ARIH2: variants seen among roughly 807,000 people sequenced by gnomAD.
ARIH2 encodes the protein ariadne RBR E3 ubiquitin protein ligase 2.
Under a neutral mutation model 79.8 loss-of-function variants are expected in ARIH2, and 12 were observed. The observed-to-expected ratio is 0.15, with a 90% confidence interval of 0.10 to 0.24. ARIH2 has a LOEUF of 0.24. Ranked by LOEUF, ARIH2 falls within the 10% of genes least tolerant of loss-of-function variation. The pLI is 1.00. For synonymous variants in ARIH2, 224 were observed against 213.9 expected, an observed-to-expected ratio of 1.05 and a Z score of -0.41; for missense variants, 301 against 618.3, an observed-to-expected ratio of 0.49 and a Z score of 5.44.
intron 9 of ARIH2, 70 bp downstream of exon 9, chr3:48,973,886 T>A: frequency 8.1e-7 from 1 of 1,228,044 alleles, no homozygotes; most frequent in Non-Finnish European, 1.2e-6. Context: ...CCTTGGAGAT[T>A]TGCCATCTGA....
rs571217916 is a variant in ARIH2 at position 48,965,102 on chromosome 3, C to T, written c.387+120C>T. 11 of 837,950 alleles carry T rather than the reference C, an allele frequency of 1.3e-5. No individual in the cohort carries two copies. The East Asian group carries it at 1.6e-4, about 12-fold the overall frequency. 51.9% of individuals were successfully genotyped at this position (837,950 alleles called of 1,614,324 possible). ...GTGCGGTGTGGCTCACGCCTGTAAT[C>T]CCAGCACTTTGGGAGGCTGAGGCGG... On this transcript the variant is annotated intron_variant, in intron 5 of 15. Coordinates refer to ENST00000356401, the MANE Select transcript of ARIH2 (RefSeq NM_006321.4).
intron 3 of ARIH2, among the ~76,000 whole-genome samples, chr3:48,942,011 G>T (rs188249023): frequency 1.1e-3 from 167 of 150,470 alleles, no homozygotes; most frequent in Admixed American, 3.6e-3. Context: ...TCAGCCTCCC[G>T]AGTAGCTGGG....
rs548078851 is a variant in ARIH2, at chr3:48,959,303, G to A, written c.256-2309G>A. On this transcript the variant is annotated intron_variant, in intron 3 of 15. Transcript: ENST00000356401. Reference sequence around the variant, plus strand: ...TGCACTCCAGCCTGGGTAATACAGCGAGACTCCATCTCAAAAAAAAAAAAA... The same window carrying A: ...TGCACTCCAGCCTGGGTAATACAGCAAGACTCCATCTCAAAAAAAAAAAAA... 1.6e-4 allele frequency among the ~76,000 whole-genome samples: 23 copies of A among 143,818 alleles called. 1 individual carries two copies. The highest frequency in any genetic ancestry group is 6.6e-4 in the South Asian group (3 of 4,572). 94.4% of individuals were successfully genotyped at this position (143,818 alleles called of 152,430 possible).
At chr3:48,951,313 GT>G (rs888750883) in intron 3 of ARIH2, among the ~76,000 whole-genome samples, 23 of 151,746 alleles carry the variant, frequency 1.5e-4, no homozygotes, top group Non-Finnish European at 2.5e-4. Context: ...ATTTATTAGT[GT>G]TTTTTTTCCC....
intron 3 of ARIH2, among the ~76,000 whole-genome samples, chr3:48,946,602 A>G (rs2107318473): frequency 6.6e-6 from 1 of 152,224 alleles, no homozygotes; most frequent in Non-Finnish European, 1.5e-5. Flanking sequence ...GAGAGTATTG[A>G]CATTGTAAAT....
intron 3 of ARIH2, among the ~76,000 whole-genome samples, chr3:48,958,054 C>T (rs7628719): frequency 0.63 from 95,552 of 151,948 alleles, 31,200 homozygotes; most frequent in East Asian, 0.96. Context: ...GGTAAACTGA[C>T]GTAGGTTGGA....
chr3:48,962,008 C>G lies in ARIH2; in HGVS notation c.323+329C>G, dbSNP rs377396524. Among the ~76,000 whole-genome samples the G allele has an allele frequency of 3.9e-5, 6 of 152,254 alleles. No individual in the cohort carries two copies. In the East Asian group the frequency reaches 1.2e-3, roughly 29 times the overall value. The stretch of plus-strand genomic sequence containing the variant: ...TCAGTGCCTTTCTAGGTAACACGCG[C>G]CAACATCTTTTACTTCTTTTGGATA... On this transcript the variant is annotated intron_variant, in intron 4 of 15. Coordinates refer to ENST00000356401, the MANE Select transcript of ARIH2 (RefSeq NM_006321.4).
At position 48,948,581 on chromosome 3, in the gene ARIH2, GC is replaced by G. The variant is rs562250058; in HGVS notation, c.256-13028del. Among the ~76,000 whole-genome samples, 432 of 152,256 alleles carry G rather than the reference GC, an allele frequency of 2.8e-3. 4 individuals are homozygous for G. The highest frequency in any genetic ancestry group is 9.9e-3 in the African/African-American group (410 of 41,538). On this transcript the variant is annotated intron_variant, in intron 3 of 15. Transcript: ENST00000356401. Reference sequence around the variant, plus strand: ...TGGGATTACAGATGTGAGCCACCGCGCCCGGCCGAACTCATCCATTTTAAAG... The same window carrying G: ...TGGGATTACAGATGTGAGCCACCGCGCCGGCCGAACTCATCCATTTTAAAG...
intron 4 of ARIH2, among the ~76,000 whole-genome samples, chr3:48,962,867 T>A (rs948740582): frequency 6.6e-6 from 1 of 152,144 alleles, no homozygotes; most frequent in Non-Finnish European, 1.5e-5. Flanking sequence ...TGGTATGTTT[T>A]TTTTTATTTT....
intron 3 of ARIH2, among the ~76,000 whole-genome samples, chr3:48,952,897 A>G (rs1007161466): frequency 4.6e-5 from 7 of 152,188 alleles, no homozygotes; most frequent in Admixed American, 2.0e-4. Flanking sequence ...GTATATGTGC[A>G]TAAAGAAAGA....
intron 3 of ARIH2, among the ~76,000 whole-genome samples, chr3:48,955,694 G>T (rs2090494664): frequency 6.6e-6 from 1 of 152,176 alleles, no homozygotes; most frequent in Non-Finnish European, 1.5e-5. Context: ...TACTCAGACA[G>T]ATTTTTACCT....
At chr3:48,965,242 C>G (rs2091668619) in intron 5 of ARIH2, among the ~76,000 whole-genome samples, 2 of 151,878 alleles carry the variant, frequency 1.3e-5, no homozygotes, top group African/African-American at 4.8e-5. Context: ...CACCTGTAGT[C>G]CCAGCTACTC....
At position 48,919,216 on chromosome 3, in the gene ARIH2, T is replaced by G. The variant is rs2084376040; in HGVS notation, c.-162+218T>G. The G allele has an allele frequency of 3.2e-6, 4 of 1,268,400 alleles. No homozygotes were observed. In the East Asian group the frequency reaches 9.3e-5, roughly 29 times the overall value. The allele number at this position is 1,268,400 out of a possible 1,614,324, so 78.6% of individuals were successfully genotyped here. On this transcript the variant is annotated intron_variant, in intron 1 of 15. Transcript: ENST00000356401. ...TTTTTCCTCCCGCCGCCTTCTCAGC[T>G]CTCGGAAAGGTCAGAGGCCACCGCC...
chr3:48,975,722 G>A (rs1384391726), intron 11 of ARIH2, among the ~76,000 whole-genome samples: 5 of 149,770 alleles, frequency 3.3e-5, no homozygotes, highest in Non-Finnish European at 7.4e-5. Context: ...CTTCCACCAC[G>A]TCTGGCTAAT....
Position 48,983,780 on chromosome 3 carries a change from GT to G in ARIH2, c.*513del, listed in dbSNP as rs2092829968. ...CTGGGCCTCTGCTTTCCATATTCACGTTTGGCCAGAGTTGTAGTCCCAAAGA... is the reference window on the plus strand; with the variant it reads ...CTGGGCCTCTGCTTTCCATATTCACGTTGGCCAGAGTTGTAGTCCCAAAGA... On this transcript the variant is annotated 3_prime_UTR_variant, in exon 16 of 16. Transcript: ENST00000356401. 1.2e-5 allele frequency: 2 copies of G among 160,258 alleles called. No individual in the cohort carries two copies. The highest frequency in any genetic ancestry group is 1.2e-4 in the Admixed American group (2 of 16,200). The allele number at this position is 160,258 out of a possible 1,614,324, so 9.9% of individuals were successfully genotyped here. A position where few individuals can be genotyped will look rare whatever the true frequency, so the allele number is the denominator to read the frequency against.
At chr3:48,958,434 G>A (rs371012936) in intron 3 of ARIH2, among the ~76,000 whole-genome samples, 2 of 152,092 alleles carry the variant, frequency 1.3e-5, no homozygotes, top group African/African-American at 2.4e-5. Context: ...TAGATAGGCC[G>A]GGCACGGTGG....
rs367899872 is a variant in ARIH2, at chr3:48,927,630, G to GGAA, written c.87_89dup (p.Glu29dup). ...ACTATGACCCAAATTGTGAGGAAGA[G>GGAA]GAAGAAGAAGAAGAAGACGACCCTG... On this transcript the variant is annotated inframe_insertion, in exon 3 of 16. Transcript: ENST00000356401. 13 of 1,612,358 alleles carry GGAA rather than the reference G, an allele frequency of 8.1e-6. No individual in the cohort carries two copies. The East Asian group carries it at 2.5e-4, about 30-fold the overall frequency.
chr3:48,927,878 A>G, intron 3 of ARIH2, 65 bp downstream of exon 3: 1 of 1,571,228 alleles, frequency 6.4e-7, no homozygotes. Flanking sequence ...GCTGTTGTTA[A>G]TTAATGTCTC....
At chr3:48,968,482 T>G (rs781190689) in intron 6 of ARIH2, 52 bp from the exon 7 acceptor site, 6 of 1,575,204 alleles carry the variant, frequency 3.8e-6, no homozygotes, top group South Asian at 2.2e-5. Context: ...GTGCTGGGAT[T>G]ACAGGCATGA....
Sources: gnomAD v4.1 joint callset for allele counts (sites outside exome capture counted in the v4.1 genomes callset) on GRCh38, gnomAD v4.1.1 for gene constraint, MANE v1.5 for transcripts, NCBI Gene and HGNC (gene_info 2026-07-23, HGNC 2026-07-21) for gene names.